The following PER2 variants were observed in gnomAD, a reference collection of about 807,000 sequenced individuals.
PER2 encodes the protein period circadian protein homolog 2.
A neutral mutation model predicts 121.0 loss-of-function variants in PER2; 66 were observed. The ratio of observed to expected loss-of-function variants is 0.55; its 90% CI spans 0.45 to 0.67. The LOEUF (loss-of-function observed/expected upper bound fraction) is 0.67. Ranked by LOEUF, PER2 falls within the 30% of genes least tolerant of loss-of-function variation. The probability of loss-of-function intolerance (pLI) is 0.00; values close to 1 mark genes in which losing one functional copy is unlikely to be tolerated. For missense variants in PER2, 1,521 were observed against 1,635.0 expected (o/e 0.93, Z 1.20); for synonymous variants, 684 against 659.9 (o/e 1.04, Z -0.56).
At chr2:238,257,159 C>G in intron 16 of PER2, 73 bp from the exon 17 acceptor site, 1 of 1,420,008 alleles carries the variant, frequency 7.0e-7, no homozygotes, top group Non-Finnish European at 9.7e-7. Context: ...AACCGACACC[C>G]AAGTGCCCAT....
intron 11 of PER2, 112 bp from the exon 12 acceptor site, chr2:238,261,949 T>C: frequency 1.3e-6 from 1 of 789,294 alleles, no homozygotes; most frequent in Non-Finnish European, 2.1e-6. Flanking sequence ...GCCTCTCCCC[T>C]GCAGCCCCCC....
Position 238,275,749 on chromosome 2 carries a change from C to T in PER2, c.442G>A (p.Val148Met), listed in dbSNP as rs2340885. ...LKYALRSVKQ[V>M]KANEEYYQLL... Reference sequence around the variant, plus strand: ...ATGTGCGAGGCCGACGTACCTTTCACCTGCTTCACGCTCCTGAGGGCGTAC... The same window carrying T: ...ATGTGCGAGGCCGACGTACCTTTCATCTGCTTCACGCTCCTGAGGGCGTAC... Residue 148 changes from valine (V) to methionine (M), a missense_variant, in exon 4 of 23, where the codon GTG (valine) becomes ATG (methionine). Physicochemically the swap from Val to Met is conservative, Grantham distance 21. Transcript: ENST00000254657. 1 of 1,614,126 alleles carries T rather than the reference C, an allele frequency of 6.2e-7. No individual in the cohort carries two copies. Among genetic ancestry groups the T allele is most frequent in the Admixed American group, 1.7e-5 (1 of 60,034 alleles).
chr2:238,273,844 T>C (rs1445653000), intron 4 of PER2, among the ~76,000 whole-genome samples: 1 of 152,168 alleles, frequency 6.6e-6, no homozygotes, highest in African/African-American at 2.4e-5. Flanking sequence ...ATTTTTGTAT[T>C]TTTAGTAGAG....
At chr2:238,271,633 T>G in intron 5 of PER2, 120 bp from the exon 6 acceptor site, 1 of 753,930 alleles carries the variant, frequency 1.3e-6, no homozygotes, top group Non-Finnish European at 2.3e-6. Flanking sequence ...GGGGGCTCTC[T>G]GACTCCCTTG....
At chr2:238,271,146 C>T (rs2304677) in intron 6 of PER2, among the ~76,000 whole-genome samples, 166 bp downstream of exon 6, 9,606 of 152,308 alleles carry the variant, frequency 0.063, 427 homozygotes, top group Admixed American at 0.14. Flanking sequence ...TCTGAAGGGA[C>T]GAACAACTGC....
At position 238,246,268 on chromosome 2, in the gene PER2, A is replaced by C; in HGVS notation, c.*107T>G. 1 of 744,370 alleles carries C rather than the reference A, an allele frequency of 1.3e-6. No homozygotes were observed. Among genetic ancestry groups the C allele is most frequent in the Non-Finnish European group, 2.0e-6 (1 of 492,654 alleles). 46.1% of individuals were successfully genotyped at this position (744,370 alleles called of 1,614,324 possible). On this transcript the variant is annotated 3_prime_UTR_variant, in exon 23 of 23. Coordinates refer to ENST00000254657, the MANE Select transcript of PER2 (RefSeq NM_022817.3). ...TTTTTTCTAAAACAAAAAAAGCAACATGAGCATATGTGTCCATTTCAGTGG... is the reference window on the plus strand; with the variant it reads ...TTTTTTCTAAAACAAAAAAAGCAACCTGAGCATATGTGTCCATTTCAGTGG...
chr2:238,290,393 C>T (rs1208759212), upstream of PER2, among the ~76,000 whole-genome samples: 2 of 152,186 alleles, frequency 1.3e-5, no homozygotes, highest in Middle Eastern at 3.4e-3. Flanking sequence ...CTCCCATTGA[C>T]GTCAATGGGG....
chr2:238,249,452 G>GT (rs1695540623), intron 21 of PER2, among the ~76,000 whole-genome samples: 1 of 152,182 alleles, frequency 6.6e-6, no homozygotes, highest in Non-Finnish European at 1.5e-5. Context: ...TGGGAGCTGC[G>GT]TATCTGCAGG....
chr2:238,265,124 A>G (rs1696053442), intron 9 of PER2, among the ~76,000 whole-genome samples: 1 of 152,250 alleles, frequency 6.6e-6, no homozygotes, highest in Non-Finnish European at 1.5e-5. Context: ...GGCATGGAGA[A>G]AATCCTGTCC....
upstream of PER2, among the ~76,000 whole-genome samples, chr2:238,291,513 G>A (rs959516310): frequency 3.3e-5 from 5 of 152,232 alleles, no homozygotes; most frequent in Non-Finnish European, 7.3e-5. Flanking sequence ...AGGGCCAAAG[G>A]ACAGGCGGCT....
At chr2:238,259,709 T>G (rs576490360) in intron 14 of PER2, among the ~76,000 whole-genome samples, 1 of 152,306 alleles carries the variant, frequency 6.6e-6, no homozygotes, top group East Asian at 1.9e-4. Flanking sequence ...TCCCCAGGCC[T>G]GCACACCTAG....
intron 1 of PER2, among the ~76,000 whole-genome samples, chr2:238,285,698 C>T (rs751260453): frequency 1.3e-5 from 2 of 152,130 alleles, no homozygotes; most frequent in African/African-American, 2.4e-5. Context: ...ACAGTGCCAG[C>T]CCCCCAGAGG....
At chr2:238,261,279 A>T (rs1047707208) in intron 12 of PER2, among the ~76,000 whole-genome samples, 7 of 152,082 alleles carry the variant, frequency 4.6e-5, no homozygotes, top group South Asian at 2.1e-4. Context: ...TGACAGCTTC[A>T]CTCCACAGTC....
chr2:238,248,486 T>G, intron 22 of PER2, among the ~76,000 whole-genome samples: 1 of 152,092 alleles, frequency 6.6e-6, no homozygotes. Flanking sequence ...AGGGTTTTTT[T>G]TTGTAAAATA....
Position 238,262,957 on chromosome 2 carries a change from T to C in PER2, c.1148A>G (p.Lys383Arg). The stretch of plus-strand genomic sequence containing the variant: ...ACCATGAAAAGGGGACCTACTCTTT[T>C]TGTGGATGGCCAGCATCAAGGGCCT... ...SDRPLMLAIH[K>R]KILQSGGQPF... The change falls in exon 10 of 23, where the codon AAA becomes AGA. Residue 383 changes from lysine to arginine, a missense_variant. Transcript: ENST00000254657. The C allele has an allele frequency of 3.7e-6, 6 of 1,607,256 alleles. No individual in the cohort carries two copies. The highest frequency in any genetic ancestry group is 5.1e-6 in the Non-Finnish European group (6 of 1,173,758).
chr2:238,250,480 G>T, intron 21 of PER2, 71 bp downstream of exon 21: 1 of 1,089,152 alleles, frequency 9.2e-7, no homozygotes, highest in South Asian at 1.3e-5. Context: ...GAATGACCTT[G>T]ACCTTGTTGT....
chr2:238,290,444 T>C (rs1402444359), upstream of PER2, among the ~76,000 whole-genome samples: 2 of 152,208 alleles, frequency 1.3e-5, no homozygotes, highest in African/African-American at 2.4e-5. Context: ...AGACAGCTCA[T>C]CCACACCTTA....
At chr2:238,297,311 G>A in the PER2 span, among the ~76,000 whole-genome samples, 75 of 152,344 alleles carry the variant, frequency 4.9e-4, no homozygotes, top group African/African-American at 1.8e-3. Flanking sequence ...AACTGGAGAA[G>A]CTATCAAGAG....
intron 10 of PER2, 131 bp downstream of exon 10, chr2:238,262,821 G>A (rs1695976014): frequency 1.4e-6 from 1 of 710,562 alleles, no homozygotes. Context: ...AGGCGGCGAG[G>A]CGGGCGTCTA....
Sources: gnomAD v4.1 joint callset for allele counts (sites outside exome capture counted in the v4.1 genomes callset) on GRCh38, gnomAD v4.1.1 for gene constraint, MANE v1.5 for transcripts, NCBI Gene and HGNC (gene_info 2026-07-23, HGNC 2026-07-21) for gene names.